LDLRAP1: variants seen among roughly 807,000 people sequenced by gnomAD.
LDLRAP1 encodes the protein low density lipoprotein receptor adaptor protein 1.
A neutral mutation model predicts 37.8 loss-of-function variants in LDLRAP1; 30 were observed. The observed-to-expected ratio is 0.79, with a 90% CI of 0.59 to 1.08. The LOEUF is 1.08. Among genes scored for constraint, LDLRAP1 ranks in the 50% least tolerant of loss-of-function variants. The pLI, the probability that LDLRAP1 is intolerant of heterozygous loss-of-function variation, is 0.00. For synonymous variants in LDLRAP1, 156 were observed against 169.8 expected, an observed-to-expected ratio of 0.92 and a Z score of 0.63; for missense variants, 375 against 401.6, an observed-to-expected ratio of 0.93 and a Z score of 0.57.
the LDLRAP1 span, chr1:25,581,771 A>C: frequency 1.3e-5 from 2 of 152,264 alleles, no homozygotes; most frequent in African/African-American, 4.8e-5. Context: ...ACTCCTGCTG[A>C]GGTAGGAGGA....
the LDLRAP1 span, among the ~76,000 whole-genome samples, chr1:25,584,345 A>G: frequency 6.6e-6 from 1 of 151,712 alleles, no homozygotes; most frequent in Non-Finnish European, 1.5e-5. Flanking sequence ...AGATGGTACA[A>G]GTTCAGTTTT....
the LDLRAP1 span, chr1:25,590,239 T>G: frequency 7.2e-5 from 11 of 152,390 alleles, no homozygotes; most frequent in African/African-American, 2.2e-4. Flanking sequence ...AAGAATCCTC[T>G]GCACACAAGA....
At chr1:25,585,814 G>A in the LDLRAP1 span, among the ~76,000 whole-genome samples, 1 of 152,202 alleles carries the variant, frequency 6.6e-6, no homozygotes, top group Non-Finnish European at 1.5e-5. Context: ...GAACAGGTCA[G>A]CCTCTGAGAC....
At chr1:25,573,586 C>T (rs1557718483), downstream of LDLRAP1, among the ~76,000 whole-genome samples, 1 of 152,182 alleles carries the variant, frequency 6.6e-6, no homozygotes, top group Non-Finnish European at 1.5e-5. Flanking sequence ...CCTGGCACCC[C>T]ACCACCCCAA....
Position 25,555,043 on chromosome 1 carries a change from C to T in LDLRAP1, c.344+71C>T. On this transcript the variant is annotated intron_variant, in intron 3 of 8. Coordinates refer to ENST00000374338, the MANE Select transcript of LDLRAP1 (RefSeq NM_015627.3). This position sits in a 1 kb window ranked among gnomAD's most constrained non-coding sequence, Gnocchi z 4.7. Reference sequence around the variant, plus strand: ...AGTGGGTGGAGTATCCCATCTGAATCCAGGCTCTACCACTTCCTACCTGGG... The same window carrying T: ...AGTGGGTGGAGTATCCCATCTGAATTCAGGCTCTACCACTTCCTACCTGGG... The T allele has an allele frequency of 1.9e-6, 2 of 1,072,522 alleles. No homozygotes were observed. The highest frequency in any genetic ancestry group is 2.9e-6 in the Non-Finnish European group (2 of 695,496). The allele number at this position is 1,072,522 out of a possible 1,614,324, so 66.4% of individuals were successfully genotyped here.
At chr1:25,582,814 G>A in the LDLRAP1 span, among the ~76,000 whole-genome samples, 1 of 152,018 alleles carries the variant, frequency 6.6e-6, no homozygotes, top group East Asian at 1.9e-4. Flanking sequence ...GCTCACATCT[G>A]TAATCCCAGC....
At chr1:25,580,374 A>G in the LDLRAP1 span, among the ~76,000 whole-genome samples, 2 of 152,170 alleles carry the variant, frequency 1.3e-5, no homozygotes, top group Admixed American at 6.5e-5. Flanking sequence ...AATGTCTCTA[A>G]AACAAAAAAA....
chr1:25,566,883 A>G lies in LDLRAP1; in HGVS notation c.818A>G (p.Asp273Gly). The G allele has an allele frequency of 6.2e-7, 1 of 1,612,700 alleles. No homozygotes were observed. Among genetic ancestry groups the G allele is most frequent in the South Asian group, 1.1e-5 (1 of 90,808 alleles). ...TCTCGGACAAACCCTCAGGTCCTGG[A>G]CACTGGCCTGACAGCCCAGGACATG... ...AQSRTNPQVL[D>G]TGLTAQDMHY... The change falls in exon 9 of 9, where the codon GAC becomes GGC. Residue 273 changes from aspartate to glycine, a missense_variant. Coordinates refer to ENST00000374338, the MANE Select transcript of LDLRAP1 (RefSeq NM_015627.3).
chr1:25,563,566 A>G (rs1001305749), intron 6 of LDLRAP1, 95 bp from the exon 7 acceptor site: 2 of 1,559,400 alleles, frequency 1.3e-6, no homozygotes, highest in African/African-American at 2.7e-5. Flanking sequence ...GCAAGGCCAC[A>G]TCAGAGGGGA....
At chr1:25,575,423 T>TAAA in the LDLRAP1 span, among the ~76,000 whole-genome samples, 141 of 108,718 alleles carry the variant, frequency 1.3e-3, 5 homozygotes, top group African/African-American at 4.4e-3. Flanking sequence ...CTGTCTCTAC[T>TAAA]AAAAAAAAAA....
In LDLRAP1 at chr1:25,553,057, C is replaced by G. The variant is rs149342299; in HGVS notation, c.89-865C>G. On this transcript the variant is annotated intron_variant, in intron 1 of 8. Coordinates refer to ENST00000374338, the MANE Select transcript of LDLRAP1 (RefSeq NM_015627.3). ...CTCTCCCCACCCACCCTTACCCTTC[C>G]CTGCTCTCCCTGGGCTACTGTCTCC... Among the ~76,000 whole-genome samples, 280 of 152,230 alleles carry G rather than the reference C, an allele frequency of 1.8e-3. 1 individual carries two copies. Among genetic ancestry groups the G allele is most frequent in the African/African-American group, 6.4e-3 (265 of 41,522 alleles).
chr1:25,561,625 G>A (rs2124686092), intron 4 of LDLRAP1, among the ~76,000 whole-genome samples: 1 of 152,236 alleles, frequency 6.6e-6, no homozygotes, highest in South Asian at 2.1e-4. Flanking sequence ...ACGAACTCTG[G>A]GACTTCCACT....
the LDLRAP1 span, among the ~76,000 whole-genome samples, chr1:25,582,375 T>A: frequency 6.6e-6 from 1 of 151,968 alleles, no homozygotes; most frequent in Non-Finnish European, 1.5e-5. Flanking sequence ...TCACTAGATA[T>A]GGAGATCGAG....
At chr1:25,565,120 G>A in intron 7 of LDLRAP1, 53 bp from the exon 8 acceptor site, 1 of 1,593,860 alleles carries the variant, frequency 6.3e-7, no homozygotes, top group Non-Finnish European at 8.6e-7. Context: ...CCCCAGCTGT[G>A]AGCATGGGCT....
the LDLRAP1 span, chr1:25,590,194 C>T: frequency 6.6e-6 from 1 of 152,250 alleles, no homozygotes; most frequent in Non-Finnish European, 1.5e-5. Context: ...CGCCAAGGCC[C>T]AGGGCTGCAT....
At chr1:25,569,223 G>T (rs868015337), downstream of LDLRAP1, among the ~76,000 whole-genome samples, 8 of 152,224 alleles carry the variant, frequency 5.3e-5, no homozygotes, top group South Asian at 2.1e-4. Flanking sequence ...ACGTGTCCAC[G>T]TGGGCGTTTT....
chr1:25,563,431 A>T (rs2044394617), intron 6 of LDLRAP1, among the ~76,000 whole-genome samples: 1 of 152,204 alleles, frequency 6.6e-6, no homozygotes, highest in African/African-American at 2.4e-5. Flanking sequence ...GTGGTTGCTT[A>T]AGAAAACTTA....
Position 25,555,890 on chromosome 1 carries a change from CG to C in LDLRAP1, c.344+921del, listed in dbSNP as rs1462524642. ...AGCTTCCACTCTAGTTGGGTATAGT[CG>C]GGAGGAAACAGGAGATAGAGCATAG... On this transcript the variant is annotated intron_variant, in intron 3 of 8. Transcript: ENST00000374338. This position sits in a 1 kb window ranked among gnomAD's most constrained non-coding sequence, Gnocchi z 4.7. 6.6e-6 allele frequency among the ~76,000 whole-genome samples: 1 copy of C among 152,070 alleles called. No individual in the cohort carries two copies. The highest frequency in any genetic ancestry group is 1.9e-4 in the East Asian group (1 of 5,194).
At chr1:25,576,557 A>G in the LDLRAP1 span, among the ~76,000 whole-genome samples, 1 of 152,208 alleles carries the variant, frequency 6.6e-6, no homozygotes, top group Non-Finnish European at 1.5e-5. Context: ...AAAACAAAAT[A>G]AAAACAAAAG....
Sources: gnomAD v4.1 joint callset for allele counts (sites outside exome capture counted in the v4.1 genomes callset) on GRCh38, gnomAD v4.1.1 for gene constraint, Gnocchi (gnomAD v3.1) non-coding constraint, MANE v1.5 for transcripts, NCBI Gene and HGNC (gene_info 2026-07-23, HGNC 2026-07-21) for gene names.